The following DNAJC10 variants were observed in gnomAD, a reference collection of about 807,000 sequenced individuals.
DNAJC10 encodes the protein endoplasmic reticulum disulfide reductase DNAJC10.
In DNAJC10, 101 loss-of-function variants were observed where a neutral mutation model predicts 115.0. The observed-to-expected ratio is 0.88, with a 90% confidence interval of 0.75 to 1.04. The LOEUF (loss-of-function observed/expected upper bound fraction) is 1.04, where lower values mean the gene tolerates loss of function less well. DNAJC10 is among the 50% of genes least tolerant of loss of function. The probability of loss-of-function intolerance (pLI) is 0.00; values close to 1 mark genes in which losing one functional copy is unlikely to be tolerated. For synonymous variants in DNAJC10, 307 were observed against 301.5 expected, an observed-to-expected ratio of 1.02 and a Z score of -0.19; for missense variants, 981 against 928.8, an observed-to-expected ratio of 1.06 and a Z score of -0.73.
rs1055152127 is a variant in DNAJC10, at chr2:182,791,004, T to C, written c.*13872T>C. 6.6e-6 allele frequency: 1 copy of C among 152,174 alleles called. No individual in the cohort carries two copies. The highest frequency in any genetic ancestry group is 1.5e-5 in the Non-Finnish European group (1 of 68,032). 9.4% of individuals were successfully genotyped at this position (152,174 alleles called of 1,614,324 possible). A position where few individuals can be genotyped will look rare whatever the true frequency, so the allele number is the denominator to read the frequency against. On this transcript the variant is annotated 3_prime_UTR_variant, in exon 24 of 24. Transcript: ENST00000264065. ...TCTCTTTGTTCACTATTTTGATATT[T>C]AAATGTTATGACTTATTTTCAAGTA...
intron 22 of DNAJC10, among the ~76,000 whole-genome samples, chr2:182,766,191 C>T (rs183525864): frequency 2.0e-5 from 3 of 152,208 alleles, no homozygotes; most frequent in Admixed American, 2.0e-4. Context: ...GTTTAAGAAT[C>T]CAGGCGTTCT....
intron 13 of DNAJC10, among the ~76,000 whole-genome samples, chr2:182,743,067 A>T (rs982726006): frequency 6.6e-6 from 1 of 151,670 alleles, no homozygotes; most frequent in Non-Finnish European, 1.5e-5. Flanking sequence ...GGCTGATCTC[A>T]AACTCCTGAC....
At chr2:182,772,874 C>T in intron 22 of DNAJC10, among the ~76,000 whole-genome samples, 1 of 152,120 alleles carries the variant, frequency 6.6e-6, no homozygotes, top group East Asian at 1.9e-4. Context: ...GAATTTGATC[C>T]TGTCATTATG....
Position 182,748,649 on chromosome 2 carries a change from C to CT in DNAJC10, c.1307-3008dup, listed in dbSNP as rs1157223222. 3.6e-4 allele frequency among the ~76,000 whole-genome samples: 55 copies of CT among 152,108 alleles called. 1 individual carries two copies. The highest frequency in any genetic ancestry group is 2.1e-4 in the Non-Finnish European group (14 of 68,032). On this transcript the variant is annotated intron_variant, in intron 14 of 23. Transcript: ENST00000264065. ...TTTCCTTATTAGTCTTGCTAGCGGTCTATCAGTTTTGTTGATCCTTTCAAA... is the reference window on the plus strand; with the variant it reads ...TTTCCTTATTAGTCTTGCTAGCGGTCTTATCAGTTTTGTTGATCCTTTCAAA...
At chr2:182,755,506 G>T (rs1286410115) in intron 17 of DNAJC10, among the ~76,000 whole-genome samples, 1 of 131,804 alleles carries the variant, frequency 7.6e-6, no homozygotes. Context: ...AAAAAAAAAA[G>T]AAAATTTCTA....
rs1694916827 is a variant in DNAJC10 at position 182,784,753 on chromosome 2, A to G, written c.*7621A>G. 1 of 152,216 alleles carries G rather than the reference A, an allele frequency of 6.6e-6. No homozygotes were observed. The highest frequency in any genetic ancestry group is 1.5e-5 in the Non-Finnish European group (1 of 68,030). 9.4% of individuals were successfully genotyped at this position (152,216 alleles called of 1,614,324 possible). On this transcript the variant is annotated 3_prime_UTR_variant, in exon 24 of 24. Coordinates refer to ENST00000264065, the MANE Select transcript of DNAJC10 (RefSeq NM_018981.4). ...AAAATTTAAGGTAGCTCTACCTGCTAAAGTAGCACCTATTCTTTTGAAAGG... is the reference window on the plus strand; with the variant it reads ...AAAATTTAAGGTAGCTCTACCTGCTGAAGTAGCACCTATTCTTTTGAAAGG...
rs576606508 is a variant in DNAJC10, at chr2:182,778,082, A to G, written c.*950A>G. 2 of 152,144 alleles carry G rather than the reference A, an allele frequency of 1.3e-5. No homozygotes were observed. Among genetic ancestry groups the G allele is most frequent in the Admixed American group, 1.3e-4 (2 of 15,248 alleles). 9.4% of individuals were successfully genotyped at this position (152,144 alleles called of 1,614,324 possible). ...TGATAGTTGATTTTTGAGGCATCTA[A>G]TATTTACATATTTGCCTTCTGAACT... On this transcript the variant is annotated 3_prime_UTR_variant, in exon 24 of 24. Coordinates refer to ENST00000264065, the MANE Select transcript of DNAJC10 (RefSeq NM_018981.4).
intron 4 of DNAJC10, among the ~76,000 whole-genome samples, chr2:182,721,577 A>G (rs1279346392): frequency 6.6e-6 from 1 of 152,160 alleles, no homozygotes; most frequent in Non-Finnish European, 1.5e-5. Context: ...CTGAAAATCA[A>G]ATGAGGTCTG....
At chr2:182,768,635 C>T (rs1380037831) in intron 22 of DNAJC10, among the ~76,000 whole-genome samples, 1 of 152,048 alleles carries the variant, frequency 6.6e-6, no homozygotes, top group African/African-American at 2.4e-5. Flanking sequence ...ACAGGTGGCC[C>T]CAGATCCAAA....
rs952396567 is a variant in DNAJC10, at chr2:182,777,144, A to T, written c.*12A>T. ...AGGATGAACTTTGATAATGTTGAAG[A>T]TGAAGAAAAAGTTTAAAAGAAATTC... On this transcript the variant is annotated 3_prime_UTR_variant, in exon 24 of 24. Transcript: ENST00000264065. The T allele has an allele frequency of 7.1e-7, 1 of 1,399,108 alleles. No individual in the cohort carries two copies. Among genetic ancestry groups the T allele is most frequent in the Non-Finnish European group, 9.6e-7 (1 of 1,036,820 alleles). The allele number at this position is 1,399,108 out of a possible 1,614,324, so 86.7% of individuals were successfully genotyped here. A position where few individuals can be genotyped will look rare whatever the true frequency, so the allele number is the denominator to read the frequency against.
intron 14 of DNAJC10, among the ~76,000 whole-genome samples, chr2:182,749,789 G>A (rs1464003130): frequency 6.6e-6 from 1 of 152,190 alleles, no homozygotes; most frequent in Non-Finnish European, 1.5e-5. Context: ...AAACAAACAT[G>A]TATTAATTCA....
intron 10 of DNAJC10, among the ~76,000 whole-genome samples, chr2:182,735,576 G>A (rs759528313): frequency 6.6e-6 from 1 of 151,988 alleles, no homozygotes; most frequent in South Asian, 2.1e-4. Flanking sequence ...TTCATCAGTT[G>A]TGGAAACCTG....
In DNAJC10 at chr2:182,728,903, T is replaced by C; in HGVS notation, c.542T>C (p.Ile181Thr). The change falls in exon 7 of 24, where the codon ATT becomes ACT. Residue 181 changes from isoleucine (I) to threonine (T), a missense_variant. Ile to Thr is a moderately conservative substitution (Grantham distance 89). Coordinates refer to ENST00000264065, the MANE Select transcript of DNAJC10 (RefSeq NM_018981.4). ...FAKEVDGLLR[I>T]GAVNCGDDRM... ...AAAGAAGTGGATGGGTTACTTCGAA[T>C]TGGAGCTGTTAACTGTGGTGATGAT... 1 of 1,614,092 alleles carries C rather than the reference T, an allele frequency of 6.2e-7. No individual in the cohort carries two copies. The highest frequency in any genetic ancestry group is 8.5e-7 in the Non-Finnish European group (1 of 1,179,964).
Position 182,788,752 on chromosome 2 carries a change from A to C in DNAJC10, c.*11620A>C. Reference sequence around the variant, plus strand: ...GGGAAGTTCCTACTTGGGAAAACGGAAAGGTAGACTATTCAGAAGTTTTCT... The same window carrying C: ...GGGAAGTTCCTACTTGGGAAAACGGCAAGGTAGACTATTCAGAAGTTTTCT... On this transcript the variant is annotated 3_prime_UTR_variant, in exon 24 of 24. Transcript: ENST00000264065. The C allele has an allele frequency of 2.2e-6, 1 of 444,492 alleles. No individual in the cohort carries two copies. Among genetic ancestry groups the C allele is most frequent in the Non-Finnish European group, 4.5e-6 (1 of 223,772 alleles). The allele number at this position is 444,492 out of a possible 1,614,324, so 27.5% of individuals were successfully genotyped here.
intron 5 of DNAJC10, among the ~76,000 whole-genome samples, chr2:182,726,737 A>G (rs1309962883): frequency 6.6e-6 from 1 of 152,158 alleles, no homozygotes; most frequent in African/African-American, 2.4e-5. Context: ...TTTTACCAAT[A>G]AAGTTATTTT....
rs1324292836 is a variant in DNAJC10, at chr2:182,733,617, G to A, written c.849+1075G>A. Among the ~76,000 whole-genome samples, 3 of 149,874 alleles carry A rather than the reference G, an allele frequency of 2.0e-5. No individual in the cohort carries two copies. In the East Asian group the frequency reaches 5.8e-4, roughly 29 times the overall value. On this transcript the variant is annotated intron_variant, in intron 10 of 23. Transcript: ENST00000264065. ...CAAAGTTAGGCTGGCCTTTAAATGT[G>A]TTGGAAAGTATTATCTCTTTTTCTC...
In DNAJC10 at chr2:182,722,577, G is replaced by A. The variant is rs574474823; in HGVS notation, c.418+502G>A. 2.0e-4 allele frequency among the ~76,000 whole-genome samples: 31 copies of A among 152,042 alleles called. No individual in the cohort carries two copies. In the South Asian group the frequency reaches 5.0e-3, roughly 24 times the overall value. On this transcript the variant is annotated intron_variant, in intron 5 of 23. Coordinates refer to ENST00000264065, the MANE Select transcript of DNAJC10 (RefSeq NM_018981.4). Reference sequence around the variant, plus strand: ...ATAGGTTTATTTTTTCTATTTCAGAGCAATAAATTAAACTTCAAATCAAAT... The same window carrying A: ...ATAGGTTTATTTTTTCTATTTCAGAACAATAAATTAAACTTCAAATCAAAT...
intron 4 of DNAJC10, among the ~76,000 whole-genome samples, chr2:182,721,160 A>G (rs1431192431): frequency 3.9e-5 from 6 of 152,148 alleles, no homozygotes; most frequent in Non-Finnish European, 7.4e-5. Flanking sequence ...TAAGAACTGA[A>G]TATGCTTCTG....
chr2:182,741,329 AACTC>A lies in DNAJC10; in HGVS notation c.1165_1168del (p.Thr389TyrfsTer31), dbSNP rs1473081753. Reference sequence around the variant, plus strand: ...ATGATCCTGAGCTGAAAAAACTAAAAACTCTACTTAAAAATGATCATATTCAAGT... The same window carrying A: ...ATGATCCTGAGCTGAAAAAACTAAAATACTTAAAAATGATCATATTCAAGT... On this transcript the variant is annotated frameshift_variant, in exon 13 of 24. Transcript: ENST00000264065. LOFTEE classifies it high-confidence loss of function. 1 of 1,583,908 alleles carries A rather than the reference AACTC, an allele frequency of 6.3e-7. No homozygotes were observed. The highest frequency in any genetic ancestry group is 8.6e-7 in the Non-Finnish European group (1 of 1,161,070).
Sources: gnomAD v4.1 joint callset for allele counts (sites outside exome capture counted in the v4.1 genomes callset) on GRCh38, gnomAD v4.1.1 for gene constraint, MANE v1.5 for transcripts, NCBI Gene and HGNC (gene_info 2026-07-23, HGNC 2026-07-21) for gene names.